Variants in SEC14L6 observed in about 807,000 individuals in gnomAD.
SEC14L6 encodes SEC14 like lipid binding 6.
In SEC14L6, 40 loss-of-function variants were observed where a neutral mutation model predicts 54.1. The observed-to-expected ratio is 0.74, with a 90% confidence interval of 0.57 to 0.96. The LOEUF (loss-of-function observed/expected upper bound fraction) is 0.96, where lower values mean the gene tolerates loss of function less well. SEC14L6 is among the 40% of genes least tolerant of loss of function. SEC14L6 has a pLI of 0.00. For synonymous variants in SEC14L6, 171 were observed against 198.4 expected, an observed-to-expected ratio of 0.86 and a Z score of 1.16; for missense variants, 471 against 498.3, an observed-to-expected ratio of 0.95 and a Z score of 0.52.
At chr22:30,545,692 C>T (rs946975963) in intron 1 of SEC14L6, among the ~76,000 whole-genome samples, 2 of 152,162 alleles carry the variant, frequency 1.3e-5, no homozygotes, top group Admixed American at 6.5e-5. Flanking sequence ...CCTCAAAGTG[C>T]GGGGATTATA....
Position 30,546,699 on chromosome 22 carries a change from T to A in SEC14L6, c.-17A>T, listed in dbSNP as rs1462463027. 1.3e-6 allele frequency: 2 copies of A among 1,549,714 alleles called. No individual in the cohort carries two copies. The highest frequency in any genetic ancestry group is 1.7e-6 in the Non-Finnish European group (2 of 1,146,430). ...TCCACTCATGCTGCCCATGAATGGG[T>A]CCAGGCTCCACTCTGTGGCTCCCTC... On this transcript the variant is annotated 5_prime_UTR_variant, in exon 1 of 12. Transcript: ENST00000402034.
chr22:30,534,032 G>C lies in SEC14L6; in HGVS notation c.138C>G (p.Ser46Arg), dbSNP rs1165525858. Residue 46 changes from serine (S) to arginine (R), a missense_variant, in exon 3 of 12, where the codon AGC (serine) becomes AGG (arginine). Coordinates refer to ENST00000402034, the MANE Select transcript of SEC14L6 (RefSeq NM_001193336.4). ...TGTCCTCTGATTTCTGCAGGTCAAAGCTCCGAGCTGCAACAAGAGACAGGG... is the reference window on the plus strand; with the variant it reads ...TGTCCTCTGATTTCTGCAGGTCAAACCTCCGAGCTGCAACAAGAGACAGGG... ...YFLLRWLQAR[S>R]FDLQKSEDML... is the part of the protein sequence containing the mutation. 1.8e-5 allele frequency: 28 copies of C among 1,550,868 alleles called. No individual in the cohort carries two copies. The East Asian group carries it at 6.4e-4, about 35-fold the overall frequency.
intron 2 of SEC14L6, among the ~76,000 whole-genome samples, chr22:30,537,741 A>G: frequency 6.6e-6 from 1 of 152,228 alleles, no homozygotes; most frequent in Non-Finnish European, 1.5e-5. Context: ...CCAATCAGTT[A>G]TCTTTCTATT....
Position 30,525,625 on chromosome 22 carries a change from C to A in SEC14L6, c.897G>T (p.Pro299=). ...GCCATCCCTACCTGAGCACACAGCC[C>A]GGGAACAGGATCTCGTTCTCCACCT... is the stretch of plus-strand genomic sequence containing the variant. The part of the protein sequence containing the change: ...SLQVENEILF[P]GCVLRWQFAS... Residue 299 remains proline (P), a synonymous_variant, in exon 10 of 12, where the codon CCG becomes CCT. Transcript: ENST00000402034. 2.5e-6 allele frequency: 4 copies of A among 1,608,626 alleles called. No individual in the cohort carries two copies. The highest frequency in any genetic ancestry group is 3.4e-6 in the Non-Finnish European group (4 of 1,177,746).
chr22:30,544,483 C>T (rs1430896239), intron 1 of SEC14L6, among the ~76,000 whole-genome samples: 1 of 152,026 alleles, frequency 6.6e-6, no homozygotes, highest in African/African-American at 2.4e-5. Context: ...CCTCCACCAC[C>T]ACCACCACCA....
chr22:30,545,222 CT>C (rs1289198521), intron 1 of SEC14L6, among the ~76,000 whole-genome samples: 1 of 152,190 alleles, frequency 6.6e-6, no homozygotes, highest in Non-Finnish European at 1.5e-5. Context: ...CCTCCTCCAG[CT>C]CATAGCTGAG....
At chr22:30,536,034 AT>A (rs1407248351) in intron 2 of SEC14L6, among the ~76,000 whole-genome samples, 1 of 151,070 alleles carries the variant, frequency 6.6e-6, no homozygotes, top group Non-Finnish European at 1.5e-5. Flanking sequence ...AAGTTTTAAA[AT>A]TTTTTTTGTA....
chr22:30,542,587 C>T, intron 1 of SEC14L6: 1 of 1,481,570 alleles, frequency 6.7e-7, no homozygotes, highest in Non-Finnish European at 8.9e-7. Context: ...AGCCCGCGGG[C>T]CGGTCCCCGG....
At chr22:30,541,672 A>G (rs2085715655) in intron 1 of SEC14L6, among the ~76,000 whole-genome samples, 1 of 152,010 alleles carries the variant, frequency 6.6e-6, no homozygotes, top group Non-Finnish European at 1.5e-5. Context: ...AAGAAAAAAA[A>G]AAAAGTTAAA....
Position 30,529,165 on chromosome 22 carries a change from T to C in SEC14L6, c.586A>G (p.Lys196Glu). ...AGGTTGAAGGCTACGGCGAATAGCTTGGGGGCTGAAACCAGGCACAGAACT... is the reference window on the plus strand; with the variant it reads ...AGGTTGAAGGCTACGGCGAATAGCTCGGGGGCTGAAACCAGGCACAGAACT... ...LKSLIVVRAP[K>E]LFAVAFNLVK... The change falls in exon 8 of 12, where the codon AAG becomes GAG. Residue 196 changes from lysine (K) to glutamate (E), a missense_variant. Physicochemically the swap from Lys to Glu is moderately conservative, Grantham distance 56 (BLOSUM62 1). Coordinates refer to ENST00000402034, the MANE Select transcript of SEC14L6 (RefSeq NM_001193336.4). 6.4e-7 allele frequency: 1 copy of C among 1,550,804 alleles called. No individual in the cohort carries two copies. The highest frequency in any genetic ancestry group is 1.2e-5 in the South Asian group (1 of 84,036).
chr22:30,542,660 G>C, intron 1 of SEC14L6: 1 of 1,522,908 alleles, frequency 6.6e-7, no homozygotes, highest in Non-Finnish European at 8.9e-7. Flanking sequence ...GGAGTGGCGG[G>C]TGAGGAGGAG....
intron 2 of SEC14L6, among the ~76,000 whole-genome samples, chr22:30,535,897 T>G (rs561476176): frequency 2.0e-5 from 3 of 150,170 alleles, no homozygotes; most frequent in East Asian, 1.9e-4. Flanking sequence ...GTTTTTTTTT[T>G]TTTTTTTTTT....
intron 2 of SEC14L6, among the ~76,000 whole-genome samples, chr22:30,534,700 G>A (rs1402277537): frequency 1.3e-5 from 2 of 152,228 alleles, no homozygotes; most frequent in East Asian, 1.9e-4. Context: ...GTGAGCCACT[G>A]TGCCCAGCCC....
rs1936741281 is a variant in SEC14L6, at chr22:30,525,532, G to A, written c.912-13C>T. ...AGCAAACTGCCACCTGCAGTGGATA[G>A]AGCCCCATTGGCGACCCCCTGCCTG... On this transcript the variant is annotated splice_polypyrimidine_tract_variant and intron_variant, in intron 10 of 11. Transcript: ENST00000402034. The A allele has an allele frequency of 5.0e-6, 8 of 1,612,680 alleles. No individual in the cohort carries two copies. Among genetic ancestry groups the A allele is most frequent in the Admixed American group, 1.7e-5 (1 of 59,986 alleles).
intron 1 of SEC14L6, among the ~76,000 whole-genome samples, chr22:30,539,798 C>T (rs2085667075): frequency 6.6e-6 from 1 of 152,170 alleles, no homozygotes; most frequent in African/African-American, 2.4e-5. Context: ...CATGGTTTGG[C>T]ACCCATCAGC....
chr22:30,543,064 G>C, intron 1 of SEC14L6: 1 of 1,598,754 alleles, frequency 6.3e-7, no homozygotes, highest in South Asian at 1.1e-5. Flanking sequence ...TGACCACACA[G>C]TGAGCTTCAC....
intron 2 of SEC14L6, among the ~76,000 whole-genome samples, chr22:30,535,887 G>GTTTT (rs71643521): frequency 2.0e-4 from 26 of 128,506 alleles, no homozygotes; most frequent in East Asian, 7.1e-4. Flanking sequence ...AGTTTTTTGT[G>GTTTT]TTTTTTTTTT....
intron 1 of SEC14L6, among the ~76,000 whole-genome samples, chr22:30,546,183 G>A (rs941062255): frequency 6.6e-6 from 1 of 151,994 alleles, no homozygotes; most frequent in Non-Finnish European, 1.5e-5. Flanking sequence ...AGGAATTCCA[G>A]ACCAGCCTGA....
chr22:30,528,567 G>A (rs1936858748), intron 8 of SEC14L6, among the ~76,000 whole-genome samples: 1 of 151,574 alleles, frequency 6.6e-6, no homozygotes, highest in African/African-American at 2.4e-5. Context: ...GGGACTATAG[G>A]TGTGCACCAC....
Sources: allele counts gnomAD v4.1 joint callset (sites outside exome capture counted in the v4.1 genomes callset), GRCh38; gene constraint gnomAD v4.1.1; transcripts MANE v1.5; gene names NCBI Gene and HGNC (gene_info 2026-07-23, HGNC 2026-07-21).